Variants in GMDS observed in about 807,000 individuals in gnomAD.
GMDS encodes GDP-mannose 4,6-dehydratase.
A neutral mutation model predicts 49.9 loss-of-function variants in GMDS; 20 were observed. The ratio of observed to expected loss-of-function variants is 0.40; its 90% CI spans 0.28 to 0.58. The LOEUF (loss-of-function observed/expected upper bound fraction) is 0.58. Among genes scored for constraint, GMDS ranks in the 20% least tolerant of loss-of-function variants. GMDS has a pLI of 0.42. For synonymous variants in GMDS, 177 were observed against 178.6 expected (o/e 0.99, Z 0.07); for missense variants, 362 against 481.4 (o/e 0.75, Z 2.32).
chr6:1,895,680 A>G (rs1760127716), intron 7 of GMDS, among the ~76,000 whole-genome samples: 1 of 152,220 alleles, frequency 6.6e-6, no homozygotes, highest in African/African-American at 2.4e-5. Context: ...ATTATCAAAT[A>G]GAAATGTGTA....
intron 7 of GMDS, among the ~76,000 whole-genome samples, chr6:1,796,066 A>C (rs1581191386): frequency 1.3e-5 from 2 of 152,148 alleles, no homozygotes; most frequent in Admixed American, 1.3e-4. Context: ...TCTTCTCCCC[A>C]TGTAAGCACA....
chr6:2,200,160 G>A (rs1353148461), intron 1 of GMDS, among the ~76,000 whole-genome samples: 2 of 152,202 alleles, frequency 1.3e-5, no homozygotes, highest in African/African-American at 2.4e-5. Context: ...ACTCTACACT[G>A]AGGAAGTTTA....
intron 1 of GMDS, among the ~76,000 whole-genome samples, chr6:2,238,222 CAA>C (rs58141924): frequency 0.16 from 18,535 of 118,630 alleles, 1,636 homozygotes; most frequent in East Asian, 0.43. Flanking sequence ...CCTGTCTCTA[CAA>C]AAAAAAAAAA....
At chr6:1,909,342 C>T (rs1179176383) in intron 7 of GMDS, among the ~76,000 whole-genome samples, 2 of 152,138 alleles carry the variant, frequency 1.3e-5, no homozygotes, top group Non-Finnish European at 2.9e-5. Context: ...TTGTGAATTA[C>T]CTGCTTAAAA....
At chr6:1,770,692 A>C (rs1768547299) in intron 7 of GMDS, among the ~76,000 whole-genome samples, 1 of 152,248 alleles carries the variant, frequency 6.6e-6, no homozygotes, top group Non-Finnish European at 1.5e-5. Context: ...CTGAGTAGTA[A>C]ACCAAAAATT....
At chr6:2,234,513 G>A (rs548194510) in intron 1 of GMDS, among the ~76,000 whole-genome samples, 1 of 152,250 alleles carries the variant, frequency 6.6e-6, no homozygotes, top group African/African-American at 2.4e-5. Flanking sequence ...GGAGGCTGAA[G>A]CAGGAGAATC....
chr6:2,237,165 C>T (rs1297344295), intron 1 of GMDS, among the ~76,000 whole-genome samples: 1 of 152,074 alleles, frequency 6.6e-6, no homozygotes, highest in Non-Finnish European at 1.5e-5. Flanking sequence ...TAAGTAAATG[C>T]CAAAATAATA....
intron 8 of GMDS, among the ~76,000 whole-genome samples, chr6:1,732,912 A>G (rs775070387): frequency 4.6e-5 from 7 of 152,358 alleles, no homozygotes; most frequent in Middle Eastern, 6.8e-3. Context: ...GAGCTTTGTA[A>G]GTAGCAGATG....
intron 4 of GMDS, among the ~76,000 whole-genome samples, chr6:2,105,181 CAA>C (rs530164439): frequency 0.041 from 2,605 of 64,314 alleles, 25 homozygotes; most frequent in African/African-American, 0.13. Flanking sequence ...GACTCCGTCT[CAA>C]AAAAAAAAAA....
At chr6:2,026,715 A>T (rs1466702548) in intron 4 of GMDS, among the ~76,000 whole-genome samples, 1 of 152,240 alleles carries the variant, frequency 6.6e-6, no homozygotes, top group African/African-American at 2.4e-5. Flanking sequence ...GCTGATGGAT[A>T]CAGAGCAAAG....
At chr6:1,901,654 A>T (rs1760511151) in intron 7 of GMDS, among the ~76,000 whole-genome samples, 1 of 152,170 alleles carries the variant, frequency 6.6e-6, no homozygotes. Flanking sequence ...TTTGAAGCTC[A>T]GAGAACTCTA....
At chr6:2,205,656 A>G (rs1779772304) in intron 1 of GMDS, among the ~76,000 whole-genome samples, 1 of 152,172 alleles carries the variant, frequency 6.6e-6, no homozygotes, top group South Asian at 2.1e-4. Flanking sequence ...AGATGTTACC[A>G]AAGAAGTTCT....
intron 7 of GMDS, among the ~76,000 whole-genome samples, chr6:1,845,456 C>A (rs1581249379): frequency 1.3e-5 from 2 of 152,216 alleles, no homozygotes; most frequent in Admixed American, 1.3e-4. Flanking sequence ...ACTATCTGGT[C>A]CAGTTTTATT....
At chr6:1,700,938 C>T (rs1765522018) in intron 9 of GMDS, among the ~76,000 whole-genome samples, 1 of 152,176 alleles carries the variant, frequency 6.6e-6, no homozygotes, top group Admixed American at 6.5e-5. Context: ...CATAACTTAT[C>T]CTATTCGTAA....
At position 1,931,876 on chromosome 6, in the gene GMDS, C is replaced by T. The variant is rs1001358033; in HGVS notation, c.644-1646G>A. 1.3e-4 allele frequency among the ~76,000 whole-genome samples: 20 copies of T among 152,254 alleles called. 1 individual carries two copies. In the East Asian group the frequency reaches 1.3e-3, roughly 10 times the overall value. ...TGATTCTTTTACCCAGTGTTGACTA[C>T]GCACCCACCAATCACTAAGCACTGA... On this transcript the variant is annotated intron_variant, in intron 6 of 10. Transcript: ENST00000380815.
chr6:1,815,825 T>G (rs1770641409), intron 7 of GMDS, among the ~76,000 whole-genome samples: 10 of 152,212 alleles, frequency 6.6e-5, no homozygotes, highest in Admixed American at 6.5e-4. Context: ...TTGATGACCC[T>G]CTGCCTGTTT....
At chr6:2,182,394 G>A (rs1351703108) in intron 1 of GMDS, among the ~76,000 whole-genome samples, 3 of 152,236 alleles carry the variant, frequency 2.0e-5, no homozygotes, top group African/African-American at 7.2e-5. Flanking sequence ...CTAAACAACA[G>A]ATTCTCAATG....
At chr6:2,088,119 A>T in intron 4 of GMDS, among the ~76,000 whole-genome samples, 1 of 151,878 alleles carries the variant, frequency 6.6e-6, no homozygotes, top group East Asian at 1.9e-4. Flanking sequence ...AAAAAAAAAA[A>T]TGCTGTGATA....
At chr6:1,630,003 T>TAAAAAAA (rs1762952320) in intron 9 of GMDS, among the ~76,000 whole-genome samples, 1 of 152,190 alleles carries the variant, frequency 6.6e-6, no homozygotes, top group African/African-American at 2.4e-5. Flanking sequence ...AAGTTACAGG[T>TAAAAAAA]GTTCACTTCA....
Sources: allele counts gnomAD v4.1 joint callset (sites outside exome capture counted in the v4.1 genomes callset), GRCh38; gene constraint gnomAD v4.1.1; transcripts MANE v1.5; gene names NCBI Gene and HGNC (gene_info 2026-07-23, HGNC 2026-07-21).